The following EFCAB8 variants were observed in gnomAD, a reference collection of about 807,000 sequenced individuals.
EFCAB8 encodes the protein EF-hand calcium binding domain 8.
EFCAB8 carries 100 observed loss-of-function variants against 116.3 expected under a neutral mutation model. That is an observed-to-expected ratio of 0.86 (90% CI 0.73 to 1.02). The LOEUF (loss-of-function observed/expected upper bound fraction) is 1.02, where lower values mean the gene tolerates loss of function less well. Ranked by LOEUF, EFCAB8 falls within the 50% of genes least tolerant of loss-of-function variation. EFCAB8 has a pLI of 0.00. For missense variants in EFCAB8, 1,320 were observed against 1,416.9 expected (o/e 0.93, Z 1.10); for synonymous variants, 558 against 567.9 (o/e 0.98, Z 0.25).
chr20:32,939,203 C>CTTTCCT (rs1555869214), intron 22 of EFCAB8, among the ~76,000 whole-genome samples: 55 of 51,018 alleles, frequency 1.1e-3, no homozygotes, highest in Non-Finnish European at 1.8e-3. Flanking sequence ...TTCTTTCTTT[C>CTTTCCT]CTCTCTCTCT....
chr20:32,907,059 G>C, intron 13 of EFCAB8, 65 bp downstream of exon 13: 1 of 1,452,432 alleles, frequency 6.9e-7, no homozygotes, highest in African/African-American at 1.4e-5. Flanking sequence ...CAGAGAAATG[G>C]CATGACCTCC....
At chr20:32,957,609 C>G (rs1316926950) in intron 23 of EFCAB8, among the ~76,000 whole-genome samples, 2 of 152,132 alleles carry the variant, frequency 1.3e-5, no homozygotes, top group Non-Finnish European at 2.9e-5. Context: ...CACCTACAAC[C>G]CCAGCCTCCC....
At chr20:32,903,356 C>T (rs1012632573) in intron 11 of EFCAB8, 2 of 152,356 alleles carry the variant, frequency 1.3e-5, no homozygotes, top group African/African-American at 2.4e-5. Context: ...TGTCCTCCGT[C>T]AAAGCCATGT....
At chr20:32,922,325 G>C (rs1037635362) in intron 20 of EFCAB8, among the ~76,000 whole-genome samples, 2 of 152,216 alleles carry the variant, frequency 1.3e-5, no homozygotes, top group Non-Finnish European at 2.9e-5. Flanking sequence ...CTTGGAAACA[G>C]AATTGCCAAC....
intron 9 of EFCAB8, among the ~76,000 whole-genome samples, chr20:32,895,715 G>A (rs1986127409): frequency 6.6e-6 from 1 of 151,866 alleles, no homozygotes; most frequent in Non-Finnish European, 1.5e-5. Context: ...GTGATTACAG[G>A]CACACACCAC....
chr20:32,961,162 G>A lies in EFCAB8; in HGVS notation c.3420G>A (p.Leu1140=). Residue 1140 remains leucine (L), a synonymous_variant, in exon 27 of 27, where the codon CTG becomes CTA. Transcript: ENST00000400522. Reference sequence around the variant, plus strand: ...TCTCGCCTCAGGTCTACCAAAGCCTGCACTTCAGTGATCTGATGCCGACTC... The same window carrying A: ...TCTCGCCTCAGGTCTACCAAAGCCTACACTTCAGTGATCTGATGCCGACTC... The part of the protein sequence containing the change: ...HQISPQVYQS[L]HFSDLMPTQQ... 1 of 1,552,266 alleles carries A rather than the reference G, an allele frequency of 6.4e-7. No homozygotes were observed. The highest frequency in any genetic ancestry group is 8.7e-7 in the Non-Finnish European group (1 of 1,147,102).
At chr20:32,912,098 A>C (rs1357124820) in intron 16 of EFCAB8, among the ~76,000 whole-genome samples, 2 of 152,196 alleles carry the variant, frequency 1.3e-5, no homozygotes, top group Non-Finnish European at 2.9e-5. Flanking sequence ...CAAAGCCAGC[A>C]GTTCCACCCT....
intron 7 of EFCAB8, among the ~76,000 whole-genome samples, chr20:32,890,154 C>G (rs556172924): frequency 1.3e-5 from 2 of 152,160 alleles, no homozygotes; most frequent in Non-Finnish European, 2.9e-5. Context: ...TCTGTGAGGC[C>G]TTCAGAGGTC....
At chr20:32,872,556 C>T (rs962045953) in intron 3 of EFCAB8, among the ~76,000 whole-genome samples, 7 of 151,938 alleles carry the variant, frequency 4.6e-5, no homozygotes, top group African/African-American at 1.2e-4. Flanking sequence ...GGGATCCCAG[C>T]GAGCTGAGGT....
intron 3 of EFCAB8, 58 bp from the exon 4 acceptor site, chr20:32,875,868 G>A (rs1984943098): frequency 6.8e-7 from 1 of 1,476,888 alleles, no homozygotes; most frequent in Non-Finnish European, 9.3e-7. Context: ...CTCCGTGGCA[G>A]TGATGGGCCG....
At chr20:32,872,168 A>C (rs924945501) in intron 3 of EFCAB8, among the ~76,000 whole-genome samples, 1 of 152,158 alleles carries the variant, frequency 6.6e-6, no homozygotes, top group Non-Finnish European at 1.5e-5. Flanking sequence ...TTGTATAAGG[A>C]GAATAGAATG....
Position 32,906,870 on chromosome 20 carries a change from G to A in EFCAB8, c.1184G>A (p.Arg395His), listed in dbSNP as rs770484610. 6.2e-5 allele frequency: 96 copies of A among 1,538,958 alleles called. No individual in the cohort carries two copies. Among genetic ancestry groups the A allele is most frequent in the Admixed American group, 3.3e-4 (17 of 50,966 alleles). Residue 395 changes from arginine to histidine, a missense_variant, in exon 13 of 27, where the codon CGC (arginine) becomes CAC (histidine). Coordinates refer to ENST00000400522, the MANE Select transcript of EFCAB8 (RefSeq NM_001143967.2). Reference sequence around the variant, plus strand: ...ACTGGTGGCTACGATGCCTTCATCCGCCTGTGGAACCCCTTTGTCTCAAAG... The same window carrying A: ...ACTGGTGGCTACGATGCCTTCATCCACCTGTGGAACCCCTTTGTCTCAAAG... Reference protein sequence around the residue: ...LVTGGYDAFIRLWNPFVSKRP... With the variant: ...LVTGGYDAFIHLWNPFVSKRP...
rs560533464 is a variant in EFCAB8 at position 32,921,574 on chromosome 20, A to G, written c.2412+1359A>G. Among the ~76,000 whole-genome samples the G allele has an allele frequency of 5.9e-5, 9 of 152,270 alleles. No homozygotes were observed. The South Asian group carries it at 1.9e-3, about 32-fold the overall frequency. On this transcript the variant is annotated intron_variant, in intron 20 of 26. Transcript: ENST00000400522. ...CTTTTAAAAGTAATAATACTAGTTT[A>G]TAATAAAAAAGGAAGTGTATGTAAA... is the stretch of plus-strand genomic sequence containing the variant.
At chr20:32,944,521 G>A (rs76059532) in intron 23 of EFCAB8, among the ~76,000 whole-genome samples, 2,090 of 152,038 alleles carry the variant, frequency 0.014, 50 homozygotes, top group African/African-American at 0.044. Flanking sequence ...CAGTATTACA[G>A]CATTCTGTAT....
At chr20:32,881,198 T>C (rs1305658013) in intron 5 of EFCAB8, among the ~76,000 whole-genome samples, 1 of 152,194 alleles carries the variant, frequency 6.6e-6, no homozygotes, top group Admixed American at 6.5e-5. Context: ...ATCTCTCTTT[T>C]CTTTTTTTCT....
chr20:32,902,799 G>A (rs952606256), intron 11 of EFCAB8, among the ~76,000 whole-genome samples: 2 of 152,206 alleles, frequency 1.3e-5, no homozygotes, highest in African/African-American at 4.8e-5. Flanking sequence ...GGCAGTGTGG[G>A]CCTGAGGGTC....
chr20:32,860,798 T>G (rs1028649540), intron 1 of EFCAB8, among the ~76,000 whole-genome samples: 1 of 152,086 alleles, frequency 6.6e-6, no homozygotes, highest in African/African-American at 2.4e-5. Flanking sequence ...GAGTGCAGTG[T>G]TGTGATTACA....
chr20:32,887,497 A>T (rs1197771529), intron 6 of EFCAB8, among the ~76,000 whole-genome samples: 1 of 152,142 alleles, frequency 6.6e-6, no homozygotes, highest in East Asian at 1.9e-4. Flanking sequence ...AATCACTGGA[A>T]CCCGGAGGCA....
intron 1 of EFCAB8, among the ~76,000 whole-genome samples, chr20:32,860,136 T>C (rs960731360): frequency 2.0e-5 from 3 of 152,144 alleles, no homozygotes; most frequent in Non-Finnish European, 4.4e-5. Context: ...GGAGAAATCC[T>C]GTTTCTACTA....
Sources: gnomAD v4.1 joint callset for allele counts (sites outside exome capture counted in the v4.1 genomes callset) on GRCh38, gnomAD v4.1.1 for gene constraint, MANE v1.5 for transcripts, NCBI Gene and HGNC (gene_info 2026-07-23, HGNC 2026-07-21) for gene names.